Variants in MUC4 observed in about 807,000 individuals in gnomAD.
MUC4 encodes mucin 4, cell surface associated.
A neutral mutation model predicts 257.9 loss-of-function variants in MUC4; 202 were observed. The ratio of observed to expected loss-of-function variants is 0.78; its 90% CI spans 0.70 to 0.88. The LOEUF is 0.88. Among genes scored for constraint, MUC4 ranks in the 40% least tolerant of loss-of-function variants. The probability of loss-of-function intolerance (pLI) is 0.00; values close to 1 mark genes in which losing one functional copy is unlikely to be tolerated. For synonymous variants in MUC4, 2,351 were observed against 2,757.1 expected (o/e 0.85, Z 4.62); for missense variants, 5,976 against 6,513.7 (o/e 0.92, Z 2.84).
At position 195,779,855 on chromosome 3, in the gene MUC4, CGGTG is replaced by C; in HGVS notation, c.11721_11724del (p.Asp3909LeufsTer349). 7.6e-5 allele frequency: 38 copies of C among 498,572 alleles called. 9 individuals carry two copies. The highest frequency in any genetic ancestry group is 9.9e-5 in the Non-Finnish European group (36 of 363,954). 30.9% of individuals were successfully genotyped at this position (498,572 alleles called of 1,614,324 possible). On this transcript the variant is annotated frameshift_variant, in exon 2 of 25. Transcript: ENST00000463781. LOFTEE classifies it high-confidence loss of function. ...TCATCTGTGGAAGCTGAGGAAGTGT[CGGTG>C]ACAGGAAGAGGGGTGGCGTGACGTG...
At chr3:195,762,821 G>A in intron 13 of MUC4, 34 bp downstream of exon 13, 1 of 1,456,488 alleles carries the variant, frequency 6.9e-7, no homozygotes, top group Non-Finnish European at 9.2e-7. Flanking sequence ...TGCTCCCGGT[G>A]CGGGGAGGGG....
Position 195,757,299 on chromosome 3 carries a change from A to C in MUC4, c.15016T>G (p.Ser5006Ala). ...ATCTCCAGAGTGAATGGCTCCAGCG[A>C]CTTGGGTGTCCACAGCAACGTCCCA... ...ENGTLLWTPK[S>A]LEPFTLEILA... The change falls in exon 18 of 25, where the codon TCG (serine) becomes GCG (alanine). Residue 5006 changes from serine to alanine, a missense_variant. Around this residue, in one of 44 missense-constraint regions of MUC4, gnomAD observed 996 missense variants for 1,137.3 expected, o/e 0.88. Transcript: ENST00000463781. The surrounding 1 kb of genome is among the most constrained non-coding windows in gnomAD (Gnocchi z 4.8). 3 of 1,608,752 alleles carry C rather than the reference A, an allele frequency of 1.9e-6. No homozygotes were observed. Among genetic ancestry groups the C allele is most frequent in the Non-Finnish European group, 2.6e-6 (3 of 1,175,520 alleles).
Position 195,762,908 on chromosome 3 carries a change from A to T in MUC4, c.14291T>A (p.Val4764Asp). 1 of 1,573,690 alleles carries T rather than the reference A, an allele frequency of 6.4e-7. No homozygotes were observed. The highest frequency in any genetic ancestry group is 8.6e-7 in the Non-Finnish European group (1 of 1,160,856). The change falls in exon 13 of 25, where the codon GTC becomes GAC. Residue 4764 changes from valine to aspartate, a missense_variant. Transcript: ENST00000463781. Reference protein sequence around the residue: ...WLLEPHDAIRVLLDNQTVTFQ... With the variant: ...WLLEPHDAIRDLLDNQTVTFQ... ...TGTCACAGTCTGGTTATCCAGCAGG[A>T]CACGGATTGCGTCGTGAGGCTCAAG...
At position 195,784,170 on chromosome 3, in the gene MUC4, A is replaced by AAGGCT; in HGVS notation, c.7409_7410insAGCCT (p.Ser2471AlafsTer535). 6.6e-7 allele frequency: 1 copy of AAGGCT among 1,508,654 alleles called. No homozygotes were observed. Among genetic ancestry groups the AAGGCT allele is most frequent in the Non-Finnish European group, 8.9e-7 (1 of 1,123,820 alleles). The allele number at this position is 1,508,654 out of a possible 1,614,324, so 93.5% of individuals were successfully genotyped here. On this transcript the variant is annotated frameshift_variant, in exon 2 of 25. Transcript: ENST00000463781. LOFTEE classifies it high-confidence loss of function. ...TGGTGTGACCTGTGGATACTGAGGA[A>AAGGCT]GTGTCGGTGCCAGGAAGAGGGGTGG...
Position 195,791,302 on chromosome 3 carries a change from A to G in MUC4, c.278T>C (p.Leu93Pro). 3 of 1,613,750 alleles carry G rather than the reference A, an allele frequency of 1.9e-6. No individual in the cohort carries two copies. Among genetic ancestry groups the G allele is most frequent in the Non-Finnish European group, 1.7e-6 (2 of 1,179,864 alleles). ...ETTSKAQTDTLTQMMTSTLFS... is the reference protein window; with the variant it reads ...ETTSKAQTDTPTQMMTSTLFS... ...AAGAGTTGATGTCATCATCTGCGTG[A>G]GGGTGTCGGTTTGAGCTTTGCTGGT... Residue 93 changes from leucine (L) to proline (P), a missense_variant, in exon 2 of 25, where the codon CTC becomes CCC. Around this residue, in one of 44 missense-constraint regions of MUC4, gnomAD observed 1,583 missense variants for 1,257.4 expected, o/e 1.26. Transcript: ENST00000463781.
In MUC4 at chr3:195,790,106, A is replaced by T. The variant is rs780359820; in HGVS notation, c.1474T>A (p.Phe492Ile). The T allele has an allele frequency of 6.2e-7, 1 of 1,613,846 alleles. No individual in the cohort carries two copies. Among genetic ancestry groups the T allele is most frequent in the African/African-American group, 1.3e-5 (1 of 74,944 alleles). ...CAAGTTGTGTGGCCTTTGCTGGAGAATGAGGAAGGCCATGTTGTTGTTTCA... is the reference window on the plus strand; with the variant it reads ...CAAGTTGTGTGGCCTTTGCTGGAGATTGAGGAAGGCCATGTTGTTGTTTCA... The part of the protein sequence containing the change: ...LHETTTWPSS[F>I]SSKGHTTWSQ... The change falls in exon 2 of 25, where the codon TTC becomes ATC. Residue 492 changes from phenylalanine to isoleucine, a missense_variant. Transcript: ENST00000463781.
chr3:195,762,809 G>C lies in MUC4; in HGVS notation c.14344+46C>G, dbSNP rs763034744. On this transcript the variant is annotated intron_variant, in intron 13 of 24. Coordinates refer to ENST00000463781, the MANE Select transcript of MUC4 (RefSeq NM_018406.7). ...CGCAACGCGGCTTCCCGCCCACCTC[G>C]CTGCTCCCGGTGCGGGGAGGGGGCG... 3.0e-6 allele frequency: 4 copies of C among 1,353,542 alleles called. No individual in the cohort carries two copies. The South Asian group carries it at 5.0e-5, about 17-fold the overall frequency. The allele number at this position is 1,353,542 out of a possible 1,614,324, so 83.8% of individuals were successfully genotyped here. A position where few individuals can be genotyped will look rare whatever the true frequency, so the allele number is the denominator to read the frequency against.
intron 2 of MUC4, 129 bp from the exon 3 acceptor site, chr3:195,778,584 A>C (rs1725565994): frequency 1.5e-6 from 2 of 1,356,232 alleles, no homozygotes. Context: ...GCTCATATCC[A>C]AACTACTCTC....
intron 21 of MUC4, 175 bp downstream of exon 21, chr3:195,752,198 T>C: frequency 1.6e-6 from 1 of 635,318 alleles, no homozygotes; most frequent in Non-Finnish European, 2.8e-6. Flanking sequence ...GTTTCTGTCT[T>C]GGGCCTTCCT....
In MUC4 at chr3:195,763,030, G is replaced by A. The variant is rs1009162279; in HGVS notation, c.14254-85C>T. The A allele has an allele frequency of 6.0e-6, 7 of 1,161,572 alleles. No homozygotes were observed. In the African/African-American group the frequency reaches 9.2e-5, roughly 15 times the overall value. The allele number at this position is 1,161,572 out of a possible 1,614,324, so 72.0% of individuals were successfully genotyped here. The stretch of plus-strand genomic sequence containing the variant: ...AGCAGCTGGGAGAGCCCCTGGGGCT[G>A]GAAGCTGCGCCCTGGGCCGGGAGGA... On this transcript the variant is annotated intron_variant, in intron 12 of 24. Transcript: ENST00000463781.
At position 195,765,419 on chromosome 3, in the gene MUC4, TG is replaced by T; in HGVS notation, c.13648del (p.His4550ThrfsTer16). On this transcript the variant is annotated frameshift_variant, in exon 9 of 25. Transcript: ENST00000463781. LOFTEE classifies it high-confidence loss of function. ...GLQGLQFYRLHREERPNYRLE... is the reference protein window; with the variant it reads ...GLQGLQFYRLXREERPNYRLE... ...ACGGTAGTTGGGCCTTTCTTCCCGGTGTAGCCTGTAGAACTGCAGCCCTTGG... is the reference window on the plus strand; with the variant it reads ...ACGGTAGTTGGGCCTTTCTTCCCGGTTAGCCTGTAGAACTGCAGCCCTTGG... 1 of 1,613,200 alleles carries T rather than the reference TG, an allele frequency of 6.2e-7. No individual in the cohort carries two copies. Among genetic ancestry groups the T allele is most frequent in the Middle Eastern group, 1.7e-4 (1 of 6,060 alleles).
rs1722505393 is a variant in MUC4, at chr3:195,770,231, G to A, written c.13383C>T (p.Ala4461=). The A allele has an allele frequency of 6.2e-7, 1 of 1,611,080 alleles. No homozygotes were observed. The highest frequency in any genetic ancestry group is 1.7e-5 in the Admixed American group (1 of 59,372). The change falls in exon 6 of 25, where the codon GCC becomes GCT. Residue 4461 remains alanine (A), a synonymous_variant. Coordinates refer to ENST00000463781, the MANE Select transcript of MUC4 (RefSeq NM_018406.7). Reference sequence around the variant, plus strand: ...GTCTACTCACCCCGAGGGTCCACTGGGCAGGATAGGCGTGGGCATTGACCC... The same window carrying A: ...GTCTACTCACCCCGAGGGTCCACTGAGCAGGATAGGCGTGGGCATTGACCC... ...VTWVNAHAYP[A]QWTLGSNTYQ...
At chr3:195,769,765 A>T in intron 6 of MUC4, 1 of 166,202 alleles carries the variant, frequency 6.0e-6, no homozygotes, top group Non-Finnish European at 1.3e-5. Flanking sequence ...CCTGTGCTTC[A>T]GAGCCAGAGG....
At position 195,755,024 on chromosome 3, in the gene MUC4, T is replaced by C. The variant is rs889489556; in HGVS notation, c.15169-652A>G. 5.9e-5 allele frequency among the ~76,000 whole-genome samples: 9 copies of C among 152,190 alleles called. No individual in the cohort carries two copies. The highest frequency in any genetic ancestry group is 3.4e-3 in the Middle Eastern group (1 of 292). On this transcript the variant is annotated intron_variant, in intron 18 of 24. Transcript: ENST00000463781. The surrounding 1 kb of genome is among the most constrained non-coding windows in gnomAD (Gnocchi z 5.0). ...TCCTATTGCTTGAAAACTGGATTCC[T>C]TATTTATTTTGAGACAGGGTCCCAC...
At chr3:195,771,146 C>A (rs983880294) in intron 5 of MUC4, among the ~76,000 whole-genome samples, 4 of 118,070 alleles carry the variant, frequency 3.4e-5, no homozygotes, top group Non-Finnish European at 5.3e-5. Flanking sequence ...GTCTCGCGGC[C>A]GGGTTGGGGT....
Position 195,757,094 on chromosome 3 carries a change from C to T in MUC4, c.15168+53G>A, listed in dbSNP as rs979064813. The T allele has an allele frequency of 1.3e-6, 2 of 1,540,092 alleles. No homozygotes were observed. The highest frequency in any genetic ancestry group is 1.8e-6 in the Non-Finnish European group (2 of 1,128,406). On this transcript the variant is annotated intron_variant, in intron 18 of 24. Coordinates refer to ENST00000463781, the MANE Select transcript of MUC4 (RefSeq NM_018406.7). The surrounding 1 kb of genome is among the most constrained non-coding windows in gnomAD (Gnocchi z 4.8). ...CAGAATCACAGCATCCATTCCACTC[C>T]CATTTCCTCTCCCCTCGGCACAGAA...
intron 1 of MUC4, among the ~76,000 whole-genome samples, chr3:195,807,156 G>A (rs1736084117): frequency 6.6e-6 from 1 of 152,152 alleles, no homozygotes; most frequent in Admixed American, 6.5e-5. Context: ...CCAGGAAAAG[G>A]GTGAAAAGGC....
chr3:195,791,273 A>G lies in MUC4; in HGVS notation c.307T>C (p.Ser103Pro). 1 of 1,372,870 alleles carries G rather than the reference A, an allele frequency of 7.3e-7. No individual in the cohort carries two copies. Among genetic ancestry groups the G allele is most frequent in the East Asian group, 2.4e-5 (1 of 41,480 alleles). The allele number at this position is 1,372,870 out of a possible 1,614,324, so 85.0% of individuals were successfully genotyped here. A position where few individuals can be genotyped will look rare whatever the true frequency, so the allele number is the denominator to read the frequency against. The change falls in exon 2 of 25, where the codon TCT becomes CCT. Residue 103 changes from serine to proline, a missense_variant. Physicochemically the swap from Ser to Pro is moderately conservative, Grantham distance 74. Around this residue, in one of 44 missense-constraint regions of MUC4, gnomAD observed 1,583 missense variants for 1,257.4 expected, o/e 1.26. Transcript: ENST00000463781. ...LTQMMTSTLF[S>P]SPSVHNVMET... ...ATCACATTGTGTACACTTGGGGAAG[A>G]AAAAAGAGTTGATGTCATCATCTGC...
In MUC4 at chr3:195,748,894, C is replaced by T. The variant is rs756876413; in HGVS notation, c.16034+8G>A. Reference sequence around the variant, plus strand: ...TGTCCTCCACCTCCTGGCCACAGCCCTATGCACCTGCAGCGGGGCCCACTG... The same window carrying T: ...TGTCCTCCACCTCCTGGCCACAGCCTTATGCACCTGCAGCGGGGCCCACTG... On this transcript the variant is annotated splice_region_variant and intron_variant, in intron 24 of 24. Coordinates refer to ENST00000463781, the MANE Select transcript of MUC4 (RefSeq NM_018406.7). 1.3e-6 allele frequency: 2 copies of T among 1,573,502 alleles called. No individual in the cohort carries two copies. The highest frequency in any genetic ancestry group is 1.8e-5 in the Admixed American group (1 of 54,690).
Sources: gnomAD v4.1 joint callset for allele counts (sites outside exome capture counted in the v4.1 genomes callset) on GRCh38, gnomAD v4.1.1 for gene constraint, gnomAD v4.1.1 regional missense constraint, Gnocchi (gnomAD v3.1) non-coding constraint, MANE v1.5 for transcripts, NCBI Gene and HGNC (gene_info 2026-07-23, HGNC 2026-07-21) for gene names.